Variants in DOP1B observed in about 807,000 individuals in gnomAD.
DOP1B encodes protein DOP1B.
In DOP1B, 174 loss-of-function variants were observed where a neutral mutation model predicts 233.5. The ratio of observed to expected loss-of-function variants is 0.75; its 90% CI spans 0.66 to 0.85. DOP1B has a LOEUF of 0.85. DOP1B is among the 40% of genes least tolerant of loss of function. DOP1B has a pLI of 0.00. For missense variants in DOP1B, 2,652 were observed against 2,846.6 expected (o/e 0.93, Z 1.56); for synonymous variants, 1,190 against 1,185.6 (o/e 1.00, Z -0.08).
At chr21:36,160,836 A>G (rs1300709352) in intron 1 of DOP1B, among the ~76,000 whole-genome samples, 1 of 152,206 alleles carries the variant, frequency 6.6e-6, no homozygotes, top group Non-Finnish European at 1.5e-5. Context: ...TTGTTTTAAA[A>G]GGATTCTTGG....
intron 12 of DOP1B, 85 bp from the exon 13 acceptor site, chr21:36,227,601 A>T (rs1160611471): frequency 1.7e-6 from 2 of 1,208,496 alleles, no homozygotes; most frequent in African/African-American, 3.0e-5. Context: ...GCCCTAAAAA[A>T]TTGAATTAGA....
chr21:36,178,064 C>T (rs1315809855), intron 2 of DOP1B, among the ~76,000 whole-genome samples: 1 of 152,218 alleles, frequency 6.6e-6, no homozygotes, highest in Non-Finnish European at 1.5e-5. Flanking sequence ...GTTTCTCCTT[C>T]TCCCCTCAAA....
Position 36,292,028 on chromosome 21 carries a change from T to C in DOP1B, c.6516-76T>C, listed in dbSNP as rs967121557. The C allele has an allele frequency of 6.7e-6, 10 of 1,487,462 alleles. No individual in the cohort carries two copies. The African/African-American group carries it at 1.1e-4, about 17-fold the overall frequency. 92.1% of individuals were successfully genotyped at this position (1,487,462 alleles called of 1,614,324 possible). ...TTAAATAGATACAGTATGTGAATTA[T>C]ATCTTAATAAAACTAATTTTAACGA... On this transcript the variant is annotated intron_variant, in intron 35 of 36. Transcript: ENST00000691173.
chr21:36,289,246 G>A (rs907370355), intron 35 of DOP1B, 40 bp downstream of exon 35: 1 of 1,592,690 alleles, frequency 6.3e-7, no homozygotes. Flanking sequence ...TGAAGTAAGA[G>A]ATTTTGTTTT....
At chr21:36,243,250 A>G (rs2066912909) in intron 18 of DOP1B, among the ~76,000 whole-genome samples, 1 of 151,970 alleles carries the variant, frequency 6.6e-6, no homozygotes, top group African/African-American at 2.4e-5. Context: ...AAAGTGCTAG[A>G]ATTACAGGTA....
Position 36,195,089 on chromosome 21 carries a change from C to T in DOP1B, c.139-3981C>T, listed in dbSNP as rs563761555. The stretch of plus-strand genomic sequence containing the variant: ...GGCATGATGGCTCATGCCTGTAATC[C>T]CAGCACTTTGGGAGGCCAAGGCAGG... On this transcript the variant is annotated intron_variant, in intron 2 of 36. Transcript: ENST00000691173. Among the ~76,000 whole-genome samples, 12 of 152,198 alleles carry T rather than the reference C, an allele frequency of 7.9e-5. No individual in the cohort carries two copies. The South Asian group carries it at 2.5e-3, about 32-fold the overall frequency.
At chr21:36,239,481 G>A (rs1601438626) in intron 17 of DOP1B, among the ~76,000 whole-genome samples, 1 of 152,206 alleles carries the variant, frequency 6.6e-6, no homozygotes, top group South Asian at 2.1e-4. Context: ...CGGCCTTAGA[G>A]ACACCAGCTG....
In DOP1B at chr21:36,260,741, GTC is replaced by G; in HGVS notation, c.5315+10_5315+11del. ...TATGCTTTTCTCCAAAGGTAATACAGTCCCCCGTCCTCCAAAAACTTCCTTAA... is the reference window on the plus strand; with the variant it reads ...TATGCTTTTCTCCAAAGGTAATACAGCCCCGTCCTCCAAAAACTTCCTTAA... On this transcript the variant is annotated intron_variant, in intron 24 of 36. Coordinates refer to ENST00000691173, the MANE Select transcript of DOP1B (RefSeq NM_001320714.2). 1 of 1,613,598 alleles carries G rather than the reference GTC, an allele frequency of 6.2e-7. No homozygotes were observed. The highest frequency in any genetic ancestry group is 8.5e-7 in the Non-Finnish European group (1 of 1,179,868).
intron 18 of DOP1B, among the ~76,000 whole-genome samples, chr21:36,240,815 C>T (rs1418746022): frequency 6.6e-6 from 1 of 152,164 alleles, no homozygotes; most frequent in African/African-American, 2.4e-5. Flanking sequence ...TCACAATTTT[C>T]TAAGGGATGG....
intron 2 of DOP1B, among the ~76,000 whole-genome samples, chr21:36,191,090 C>G (rs1037250073): frequency 2.0e-5 from 3 of 152,154 alleles, no homozygotes; most frequent in African/African-American, 7.2e-5. Flanking sequence ...AGGCTTCTTT[C>G]TTGGGATCCA....
chr21:36,238,358 C>G (rs1335766506), intron 16 of DOP1B, among the ~76,000 whole-genome samples: 1 of 152,152 alleles, frequency 6.6e-6, no homozygotes, highest in Non-Finnish European at 1.5e-5. Context: ...AGGGGTGACC[C>G]TGGACTCTAA....
intron 23 of DOP1B, among the ~76,000 whole-genome samples, chr21:36,256,728 G>A (rs1231926590): frequency 2.0e-5 from 3 of 150,636 alleles, no homozygotes; most frequent in African/African-American, 7.3e-5. Flanking sequence ...AATGAAATAA[G>A]CCAGTCACAA....
At chr21:36,168,920 A>G (rs2065942610) in intron 2 of DOP1B, 2 of 522,276 alleles carry the variant, frequency 3.8e-6, no homozygotes, top group Admixed American at 6.2e-5. Flanking sequence ...AATAATTTTA[A>G]AAAATAACTT....
At chr21:36,217,092 AAAGAG>A (rs1385304032) in intron 9 of DOP1B, among the ~76,000 whole-genome samples, 1 of 150,804 alleles carries the variant, frequency 6.6e-6, no homozygotes, top group East Asian at 1.9e-4. Flanking sequence ...AAAAAAAAAA[AAAGAG>A]AGCTGAGGGC....
intron 23 of DOP1B, among the ~76,000 whole-genome samples, chr21:36,255,423 G>A (rs916378908): frequency 2.0e-5 from 3 of 151,578 alleles, no homozygotes; most frequent in African/African-American, 4.8e-5. Context: ...CACCGTGCCC[G>A]GCCAAAATTT....
chr21:36,260,815 A>T, intron 24 of DOP1B, 83 bp downstream of exon 24: 1 of 1,586,960 alleles, frequency 6.3e-7, no homozygotes, highest in South Asian at 1.2e-5. Flanking sequence ...ATCTGGTTTT[A>T]TTTCTAGACT....
chr21:36,198,809 C>T (rs566280347), intron 2 of DOP1B, among the ~76,000 whole-genome samples: 98 of 152,350 alleles, frequency 6.4e-4, no homozygotes, highest in Non-Finnish European at 1.1e-3. Context: ...AAGCACACGG[C>T]CCTCACCCAT....
chr21:36,187,748 C>T (rs1406946057), intron 2 of DOP1B, among the ~76,000 whole-genome samples: 2 of 152,166 alleles, frequency 1.3e-5, no homozygotes, highest in African/African-American at 4.8e-5. Flanking sequence ...GCTGGGACTA[C>T]AGGTGCACAT....
intron 17 of DOP1B, among the ~76,000 whole-genome samples, chr21:36,239,245 G>A (rs117299575): frequency 0.012 from 1,882 of 152,274 alleles, 20 homozygotes; most frequent in Non-Finnish European, 0.02. Flanking sequence ...GAGGAATCCT[G>A]GCATGCCCCG....
Sources: allele counts gnomAD v4.1 joint callset (sites outside exome capture counted in the v4.1 genomes callset), GRCh38; gene constraint gnomAD v4.1.1; transcripts MANE v1.5; gene names NCBI Gene and HGNC (gene_info 2026-07-23, HGNC 2026-07-21).